Variants in RNF41 observed in about 807,000 individuals in gnomAD.
The protein encoded by RNF41 is E3 ubiquitin-protein ligase NRDP1.
Under a neutral mutation model 33.0 loss-of-function variants are expected in RNF41, and 4 were observed. The observed-to-expected ratio is 0.12, with a 90% CI of 0.06 to 0.28. The LOEUF is 0.28. RNF41 is among the 10% of genes least tolerant of loss of function. RNF41 has a pLI of 1.00. For synonymous variants in RNF41, 164 were observed against 153.2 expected, an observed-to-expected ratio of 1.07 and a Z score of -0.52; for missense variants, 228 against 432.6, an observed-to-expected ratio of 0.53 and a Z score of 4.19.
chr12:56,208,549 T>C (rs773662), intron 4 of RNF41: 24,814 of 303,646 alleles, frequency 0.082, 1,169 homozygotes, highest in African/African-American at 0.088. Context: ...ATTTTTTAAA[T>C]TTATTTTATT....
At chr12:56,217,480 G>C (rs971316496) in intron 1 of RNF41, among the ~76,000 whole-genome samples, 1 of 151,906 alleles carries the variant, frequency 6.6e-6, no homozygotes, top group Non-Finnish European at 1.5e-5. Flanking sequence ...CCCAGGAGGC[G>C]GAGGTTGCAG....
intron 2 of RNF41, among the ~76,000 whole-genome samples, chr12:56,215,839 T>C (rs1868847710): frequency 6.6e-6 from 1 of 150,576 alleles, no homozygotes; most frequent in Non-Finnish European, 1.5e-5. Flanking sequence ...AGTAAACAAC[T>C]GGCTGGGCGC....
At chr12:56,215,406 G>A (rs372278034) in intron 2 of RNF41, among the ~76,000 whole-genome samples, 2 of 152,198 alleles carry the variant, frequency 1.3e-5, no homozygotes, top group East Asian at 3.9e-4. Context: ...AACTTAGGTG[G>A]TGGTGGTGAT....
In RNF41 at chr12:56,214,032, T is replaced by C. The variant is rs150381609; in HGVS notation, c.16A>G (p.Thr6Ala). 527 of 1,613,206 alleles carry C rather than the reference T, an allele frequency of 3.3e-4. No individual in the cohort carries two copies. Among genetic ancestry groups the C allele is most frequent in the Middle Eastern group, 6.6e-4 (4 of 6,080 alleles). Residue 6 changes from threonine to alanine, a missense_variant, in exon 3 of 7, where the codon ACC becomes GCC. Coordinates refer to ENST00000345093, the MANE Select transcript of RNF41 (RefSeq NM_005785.4). Reference sequence around the variant, plus strand: ...TCGTCAACATCCCCCTGGAAACGGGTTACATCATACCCCATGTCTCATCAC... The same window carrying C: ...TCGTCAACATCCCCCTGGAAACGGGCTACATCATACCCCATGTCTCATCAC... MGYDV[T>A]RFQGDVDEDL...
intron 1 of RNF41, among the ~76,000 whole-genome samples, chr12:56,218,123 T>G (rs1281949411): frequency 6.6e-6 from 1 of 151,894 alleles, no homozygotes; most frequent in African/African-American, 2.4e-5. Flanking sequence ...CCGGCTAATT[T>G]TTGTATTTTT....
rs571838862 is a variant in RNF41, at chr12:56,216,878, C to A, written c.-208-265G>T. Among the ~76,000 whole-genome samples the A allele has an allele frequency of 2.6e-5, 4 of 152,286 alleles. No individual in the cohort carries two copies. In the South Asian group the frequency reaches 6.2e-4, roughly 24 times the overall value. ...AAGAGAGGCCGGGCGTGGTGGCTCA[C>A]GCCTGTAATCCCAGCTCTTAGGGAG... On this transcript the variant is annotated intron_variant, in intron 1 of 6. Coordinates refer to ENST00000345093, the MANE Select transcript of RNF41 (RefSeq NM_005785.4).
At chr12:56,221,252 G>A (rs1261492741) in intron 1 of RNF41, among the ~76,000 whole-genome samples, 2 of 152,156 alleles carry the variant, frequency 1.3e-5, no homozygotes, top group African/African-American at 4.8e-5. Flanking sequence ...GGGATGTGAA[G>A]AATGTGAGAT....
intron 6 of RNF41, chr12:56,207,159 C>T (rs1202868699): frequency 3.8e-6 from 5 of 1,318,092 alleles, no homozygotes; most frequent in Non-Finnish European, 4.9e-6. Context: ...TATATTGATT[C>T]ACACTTACAG....
At chr12:56,212,986 T>C (rs1215993272) in intron 3 of RNF41, 12 of 1,289,548 alleles carry the variant, frequency 9.3e-6, no homozygotes, top group South Asian at 1.2e-5. Flanking sequence ...ACCTCACTCA[T>C]TGTACTTGCC....
chr12:56,209,066 T>C (rs917478179), intron 4 of RNF41, among the ~76,000 whole-genome samples: 2 of 151,592 alleles, frequency 1.3e-5, no homozygotes, highest in East Asian at 3.9e-4. Flanking sequence ...GGTTTCACCA[T>C]GTTGGCCACG....
In RNF41 at chr12:56,206,303, C is replaced by T; in HGVS notation, c.*144G>A. 1 of 741,774 alleles carries T rather than the reference C, an allele frequency of 1.3e-6. No individual in the cohort carries two copies. Among genetic ancestry groups the T allele is most frequent in the Non-Finnish European group, 2.2e-6 (1 of 445,290 alleles). The allele number at this position is 741,774 out of a possible 1,614,324, so 45.9% of individuals were successfully genotyped here. ...AAAGGCTGAGCAAACTACCCCAAGGCCCTTCAGTGCCAGAAGGGCAGGGAG... is the reference window on the plus strand; with the variant it reads ...AAAGGCTGAGCAAACTACCCCAAGGTCCTTCAGTGCCAGAAGGGCAGGGAG... On this transcript the variant is annotated 3_prime_UTR_variant, in exon 7 of 7. Transcript: ENST00000345093. The surrounding 1 kb of genome is among the most constrained non-coding windows in gnomAD (Gnocchi z 5.7).
At chr12:56,208,400 T>C in intron 4 of RNF41, 102 bp from the exon 5 acceptor site, 2 of 1,282,032 alleles carry the variant, frequency 1.6e-6, no homozygotes, top group South Asian at 2.7e-5. Context: ...GATTTTGTCC[T>C]ACCCAAAATT....
At chr12:56,213,446 C>T (rs1868632407) in intron 3 of RNF41, among the ~76,000 whole-genome samples, 1 of 152,154 alleles carries the variant, frequency 6.6e-6, no homozygotes, top group South Asian at 2.1e-4. Flanking sequence ...CCACCTTGGC[C>T]TCCCAAAGTG....
chr12:56,206,935 G>T lies in RNF41; in HGVS notation c.603-137C>A. ...CTTCTTTCCTTCCATCATTGGCTCA[G>T]AAACCCCAAATCTTTCCCCACTTGG... On this transcript the variant is annotated intron_variant, in intron 6 of 6. Transcript: ENST00000345093. The surrounding 1 kb of genome is among the most constrained non-coding windows in gnomAD (Gnocchi z 5.7). 1 of 936,894 alleles carries T rather than the reference G, an allele frequency of 1.1e-6. No individual in the cohort carries two copies. The highest frequency in any genetic ancestry group is 1.6e-6 in the Non-Finnish European group (1 of 643,944). The allele number at this position is 936,894 out of a possible 1,614,324, so 58.0% of individuals were successfully genotyped here.
At position 56,206,448 on chromosome 12, in the gene RNF41, T is replaced by C. The variant is rs766948547; in HGVS notation, c.953A>G (p.Ter318=). 3.1e-6 allele frequency: 5 copies of C among 1,607,350 alleles called. No homozygotes were observed. Among genetic ancestry groups the C allele is most frequent in the Middle Eastern group, 1.7e-4 (1 of 6,058 alleles). Residue 318 remains the stop codon, a stop_retained_variant, in exon 7 of 7, where the codon TAA becomes TGA. Coordinates refer to ENST00000345093, the MANE Select transcript of RNF41 (RefSeq NM_005785.4). This position sits in a 1 kb window ranked among gnomAD's most constrained non-coding sequence, Gnocchi z 5.7. The part of the protein sequence containing the change: ...MIFAHGVEEI[*] ...TTCCTGATAGCCAGTCGAGTTCTCT[T>C]ATATCTCTTCCACGCCATGCGCAAA...
intron 6 of RNF41, chr12:56,207,266 T>G: frequency 7.5e-7 from 1 of 1,332,790 alleles, no homozygotes; most frequent in Non-Finnish European, 9.8e-7. Context: ...GAGATCACTT[T>G]CCTGGACTTG....
chr12:56,209,723 C>A (rs1277485465), intron 4 of RNF41, among the ~76,000 whole-genome samples: 1 of 152,192 alleles, frequency 6.6e-6, no homozygotes, highest in Non-Finnish European at 1.5e-5. Context: ...TCCCAAAGTG[C>A]TGGGATTACA....
At chr12:56,214,914 C>CA (rs1868761255) in intron 2 of RNF41, among the ~76,000 whole-genome samples, 1 of 152,068 alleles carries the variant, frequency 6.6e-6, no homozygotes, top group South Asian at 2.1e-4. Context: ...GATAAATACT[C>CA]AGAGTAGAGA....
At chr12:56,212,416 T>G (rs1231786981) in intron 3 of RNF41, among the ~76,000 whole-genome samples, 1 of 152,198 alleles carries the variant, frequency 6.6e-6, no homozygotes, top group Non-Finnish European at 1.5e-5. Context: ...CCTGGCATCA[T>G]GAGGGTTGCC....
Sources: allele counts gnomAD v4.1 joint callset (sites outside exome capture counted in the v4.1 genomes callset), GRCh38; gene constraint gnomAD v4.1.1; non-coding constraint Gnocchi (gnomAD v3.1); transcripts MANE v1.5; gene names NCBI Gene and HGNC (gene_info 2026-07-23, HGNC 2026-07-21).